SH3RF3: variants seen among roughly 807,000 people sequenced by gnomAD.
The protein encoded by SH3RF3 is SH3 domain containing ring finger 3.
In SH3RF3, 29 loss-of-function variants were observed where a neutral mutation model predicts 66.3. That is an observed-to-expected ratio of 0.44 (90% CI 0.33 to 0.60). The LOEUF is 0.60. Among genes scored for constraint, SH3RF3 ranks in the 20% least tolerant of loss-of-function variants. The pLI is 0.04. For missense variants in SH3RF3, 1,194 were observed against 1,190.9 expected (o/e 1.00, Z -0.04); for synonymous variants, 583 against 532.0 (o/e 1.10, Z -1.32).
intron 5 of SH3RF3, among the ~76,000 whole-genome samples, chr2:109,427,587 C>T (rs752402080): frequency 1.8e-4 from 28 of 152,154 alleles, no homozygotes; most frequent in Non-Finnish European, 3.5e-4. Context: ...GTTCACACTT[C>T]GGGAGTCCCT....
In SH3RF3 at chr2:109,324,736, A is replaced by G. The variant is rs999877642; in HGVS notation, c.574-22938A>G. Among the ~76,000 whole-genome samples, 5 of 152,330 alleles carry G rather than the reference A, an allele frequency of 3.3e-5. No homozygotes were observed. The South Asian group carries it at 8.3e-4, about 25-fold the overall frequency. The stretch of plus-strand genomic sequence containing the variant: ...AAGTAGATGAAATTAGAATTGCTGC[A>G]TAAGCGCCAAATGACTTGAAGGAGA... On this transcript the variant is annotated intron_variant, in intron 1 of 9. Coordinates refer to ENST00000309415, the MANE Select transcript of SH3RF3 (RefSeq NM_001099289.3).
At chr2:109,293,623 A>G (rs190904113) in intron 1 of SH3RF3, among the ~76,000 whole-genome samples, 151 of 152,332 alleles carry the variant, frequency 9.9e-4, no homozygotes, top group Admixed American at 1.7e-3. Context: ...TCAAGTTTCC[A>G]AGACTCCTTC....
chr2:109,347,984 A>C, intron 2 of SH3RF3, 35 bp downstream of exon 2: 1 of 1,564,960 alleles, frequency 6.4e-7, no homozygotes, highest in Non-Finnish European at 8.7e-7. Context: ...CCGCCAGCCC[A>C]TGCAGCCTCT....
intron 9 of SH3RF3, among the ~76,000 whole-genome samples, chr2:109,493,762 A>G (rs894231111): frequency 6.6e-6 from 1 of 151,786 alleles, no homozygotes; most frequent in Non-Finnish European, 1.5e-5. Context: ...CTGCACACCA[A>G]ACATGCACTG....
At position 109,312,004 on chromosome 2, in the gene SH3RF3, T is replaced by C. The variant is rs6542814; in HGVS notation, c.574-35670T>C. On this transcript the variant is annotated intron_variant, in intron 1 of 9. Coordinates refer to ENST00000309415, the MANE Select transcript of SH3RF3 (RefSeq NM_001099289.3). ...TGGTGAGGTCGGCTGCTGCTGGTGC[T>C]GTCCAGTTTTGAACTGACTTGAGCG... Among the ~76,000 whole-genome samples the C allele has an allele frequency of 0.017, 2,643 of 152,086 alleles. 204 individuals carry two copies. In the East Asian group the frequency reaches 0.18, roughly 10 times the overall value.
intron 8 of SH3RF3, among the ~76,000 whole-genome samples, chr2:109,467,088 C>G (rs1399460544): frequency 6.6e-6 from 1 of 152,234 alleles, no homozygotes; most frequent in Non-Finnish European, 1.5e-5. Flanking sequence ...GAAAATGGTT[C>G]AGCAATTTTT....
chr2:109,405,866 G>A (rs2104466065), intron 4 of SH3RF3, among the ~76,000 whole-genome samples: 1 of 152,366 alleles, frequency 6.6e-6, no homozygotes, highest in Admixed American at 6.5e-5. Context: ...GCCCACAGGT[G>A]GGGCTCTCAC....
intron 1 of SH3RF3, among the ~76,000 whole-genome samples, chr2:109,317,783 C>T (rs1681922328): frequency 6.6e-6 from 1 of 152,178 alleles, no homozygotes; most frequent in Admixed American, 6.5e-5. Flanking sequence ...TTGTAGTGTC[C>T]TGGTGCTAAC....
chr2:109,413,689 C>A (rs1676652537), intron 4 of SH3RF3, among the ~76,000 whole-genome samples: 1 of 152,234 alleles, frequency 6.6e-6, no homozygotes, highest in African/African-American at 2.4e-5. Context: ...CACGCCTGCC[C>A]CCACCAGCCC....
In SH3RF3 at chr2:109,398,983, C is replaced by T. The variant is rs181247207; in HGVS notation, c.1299+40C>T. 13,063 of 1,565,264 alleles carry T rather than the reference C, an allele frequency of 8.3e-3. 118 individuals are homozygous for T. Among genetic ancestry groups the T allele is most frequent in the East Asian group, 0.037 (1,618 of 43,736 alleles). On this transcript the variant is annotated intron_variant, in intron 4 of 9. Transcript: ENST00000309415. ...GCCAGGGCAGGCATCCCTGGGTTCTCTGGGGTTCTATCCTCAGCTCCGTGT... is the reference window on the plus strand; with the variant it reads ...GCCAGGGCAGGCATCCCTGGGTTCTTTGGGGTTCTATCCTCAGCTCCGTGT...
intron 7 of SH3RF3, among the ~76,000 whole-genome samples, chr2:109,439,542 A>G (rs1245738397): frequency 6.6e-6 from 1 of 152,214 alleles, no homozygotes; most frequent in Admixed American, 6.5e-5. Context: ...TCTCATCTCG[A>G]GCCAAAGTCA....
chr2:109,174,138 A>G (rs1677864992), intron 1 of SH3RF3, among the ~76,000 whole-genome samples: 1 of 152,242 alleles, frequency 6.6e-6, no homozygotes, highest in African/African-American at 2.4e-5. Flanking sequence ...CATAGGGCAG[A>G]GCCTCCCAAC....
At chr2:109,473,408 C>A (rs1229708488) in intron 8 of SH3RF3, among the ~76,000 whole-genome samples, 2 of 152,024 alleles carry the variant, frequency 1.3e-5, no homozygotes, top group African/African-American at 4.8e-5. Context: ...CATTTGGCAC[C>A]AAATTGGGAC....
chr2:109,306,156 C>T (rs995630733), intron 1 of SH3RF3, among the ~76,000 whole-genome samples: 4 of 152,268 alleles, frequency 2.6e-5, no homozygotes, highest in East Asian at 3.9e-4. Context: ...GTCAACACGT[C>T]GCTTATAGAG....
Position 109,341,284 on chromosome 2 carries a change from T to C in SH3RF3, c.574-6390T>C, listed in dbSNP as rs117108691. Among the ~76,000 whole-genome samples the C allele has an allele frequency of 1.2e-4, 19 of 152,350 alleles. No individual in the cohort carries two copies. The East Asian group carries it at 3.5e-3, about 28-fold the overall frequency. ...ACCTCTGGTTGCAGTGTGATAACAG[T>C]AACAAACTTCTTCATCGCGGATTAA... On this transcript the variant is annotated intron_variant, in intron 1 of 9. Transcript: ENST00000309415.
chr2:109,441,244 G>A (rs190221954), intron 7 of SH3RF3, among the ~76,000 whole-genome samples: 28 of 151,942 alleles, frequency 1.8e-4, no homozygotes, highest in African/African-American at 5.8e-4. Context: ...ATAATGAAGG[G>A]ATCAGTCAAT....
At chr2:109,400,297 G>A (rs1676271570) in intron 4 of SH3RF3, among the ~76,000 whole-genome samples, 1 of 151,728 alleles carries the variant, frequency 6.6e-6, no homozygotes, top group Admixed American at 6.6e-5. Context: ...ACGCACATGT[G>A]CACTCATACA....
chr2:109,200,140 C>G lies in SH3RF3; in HGVS notation c.573+70027C>G, dbSNP rs75996141. On this transcript the variant is annotated intron_variant, in intron 1 of 9. Transcript: ENST00000309415. ...ATGTTACGGACATGCTCCACATGCTCCTAAGGTGACTTTGTTGGTATGGAA... is the reference window on the plus strand; with the variant it reads ...ATGTTACGGACATGCTCCACATGCTGCTAAGGTGACTTTGTTGGTATGGAA... Among the ~76,000 whole-genome samples the G allele has an allele frequency of 7.9e-3, 1,200 of 152,234 alleles. 10 individuals carry two copies. Among genetic ancestry groups the G allele is most frequent in the East Asian group, 0.036 (185 of 5,162 alleles).
At chr2:109,399,448 G>GTTTTTT (rs11306985) in intron 4 of SH3RF3, among the ~76,000 whole-genome samples, 1 of 147,740 alleles carries the variant, frequency 6.8e-6, no homozygotes, top group Non-Finnish European at 1.5e-5. Flanking sequence ...ATTTCCACTA[G>GTTTTTT]TTTTTTTTTT....
Sources: allele counts gnomAD v4.1 joint callset (sites outside exome capture counted in the v4.1 genomes callset), GRCh38; gene constraint gnomAD v4.1.1; transcripts MANE v1.5; gene names NCBI Gene and HGNC (gene_info 2026-07-23, HGNC 2026-07-21).